The following LAP3 variants were observed in gnomAD, a reference collection of about 807,000 sequenced individuals.
LAP3 encodes the protein cytosol aminopeptidase.
A neutral mutation model predicts 58.8 loss-of-function variants in LAP3; 46 were observed. The ratio of observed to expected loss-of-function variants is 0.78; its 90% CI spans 0.62 to 1.00. The LOEUF is 1.00. Ranked by LOEUF, LAP3 falls within the 50% of genes least tolerant of loss-of-function variation. The probability of loss-of-function intolerance (pLI) is 0.00; values close to 1 mark genes in which losing one functional copy is unlikely to be tolerated. For synonymous variants in LAP3, 257 were observed against 237.7 expected (o/e 1.08, Z -0.75); for missense variants, 615 against 659.1 (o/e 0.93, Z 0.73).
At chr4:17,592,355 G>A (rs10008445) in intron 7 of LAP3, among the ~76,000 whole-genome samples, 66 of 150,272 alleles carry the variant, frequency 4.4e-4, no homozygotes, top group African/African-American at 1.6e-3. Context: ...TTCTTTCAGC[G>A]TAGTATCTGG....
Position 17,579,837 on chromosome 4 carries a change from G to T in LAP3, c.116G>T (p.Gly39Val). ...GCTTATTCCCAGGGCCTTGTTTTAG[G>T]AATCTATTCCAAAGAAAAAGAAGAT... ...TADMTKGLVL[G>V]IYSKEKEDDV... Residue 39 changes from glycine to valine, a missense_variant, in exon 2 of 13, where the codon GGA (glycine) becomes GTA (valine). Physicochemically the swap from Gly to Val is moderately radical, Grantham distance 109 (BLOSUM62 -3). Transcript: ENST00000226299. The T allele has an allele frequency of 6.2e-7, 1 of 1,604,154 alleles. No individual in the cohort carries two copies. The highest frequency in any genetic ancestry group is 8.5e-7 in the Non-Finnish European group (1 of 1,173,162).
Position 17,577,335 on chromosome 4 carries a change from T to G in LAP3, c.-131T>G. On this transcript the variant is annotated 5_prime_UTR_variant, in exon 1 of 13. Transcript: ENST00000226299. The stretch of plus-strand genomic sequence containing the variant: ...ATCCGTCCCGCCCCCTAGACGCACG[T>G]CCGCTCGCCCGGCGCCCGAGCCAGT... 2.6e-6 allele frequency: 1 copy of G among 391,048 alleles called. No homozygotes were observed. The highest frequency in any genetic ancestry group is 3.9e-6 in the Non-Finnish European group (1 of 253,914). The allele number at this position is 391,048 out of a possible 1,614,324, so 24.2% of individuals were successfully genotyped here.
At chr4:17,577,851 G>A (rs568570189) in intron 1 of LAP3, among the ~76,000 whole-genome samples, 2 of 152,332 alleles carry the variant, frequency 1.3e-5, no homozygotes, top group South Asian at 4.1e-4. Flanking sequence ...CGTCACCCGC[G>A]GTCCTGGCAG....
Position 17,580,185 on chromosome 4 carries a change from T to TATATATATGTA in LAP3, c.218+246_218+247insATATATATGTA. ...GCTTTCATATATATATATATATGTA[T>TATATATATGTA]TTTTTTTTTTTTTCAGTAGAGTTGG... On this transcript the variant is annotated intron_variant, in intron 2 of 12. Transcript: ENST00000226299. Among the ~76,000 whole-genome samples the TATATATATGTA allele has an allele frequency of 2.3e-3, 73 of 32,060 alleles. 3 individuals carry two copies. The East Asian group carries it at 0.075, about 33-fold the overall frequency. The allele number at this position is 32,060 out of a possible 152,430, so 21.0% of individuals were successfully genotyped here.
chr4:17,585,397 G>T, intron 6 of LAP3: 1 of 249,202 alleles, frequency 4.0e-6, no homozygotes, highest in South Asian at 7.0e-5. Flanking sequence ...CAATTAACAT[G>T]CCATAGAATT....
At chr4:17,601,509 G>A (rs1382449305) in intron 10 of LAP3, among the ~76,000 whole-genome samples, 1 of 151,970 alleles carries the variant, frequency 6.6e-6, no homozygotes, top group African/African-American at 2.4e-5. Flanking sequence ...ATATTTTGAG[G>A]ACAAGTGAAT....
chr4:17,599,865 A>T (rs1387735840), intron 10 of LAP3, among the ~76,000 whole-genome samples: 3 of 152,164 alleles, frequency 2.0e-5, no homozygotes, highest in Non-Finnish European at 4.4e-5. Flanking sequence ...GCCACTTACT[A>T]GTCAGTTAGC....
At chr4:17,596,158 CT>C (rs1213635550) in intron 8 of LAP3, among the ~76,000 whole-genome samples, 1 of 151,852 alleles carries the variant, frequency 6.6e-6, no homozygotes, top group Non-Finnish European at 1.5e-5. Context: ...TATCATAGTC[CT>C]TTTTTTTCCT....
At position 17,582,288 on chromosome 4, in the gene LAP3, G is replaced by A; in HGVS notation, c.274G>A (p.Asp92Asn). 3 of 1,613,224 alleles carry A rather than the reference G, an allele frequency of 1.9e-6. No homozygotes were observed. The highest frequency in any genetic ancestry group is 2.5e-6 in the Non-Finnish European group (3 of 1,179,246). Residue 92 changes from aspartate (D) to asparagine (N), a missense_variant and splice_region_variant, in exon 4 of 13, where the codon GAC becomes AAC. Physicochemically the swap from Asp to Asn is conservative, Grantham distance 23 (BLOSUM62 1). Transcript: ENST00000226299. ...KTRTFYGLHQ[D>N]FPSVVLVGLG... Reference sequence around the variant, plus strand: ...TTGATTTGGTGTATCTGTGGGACAGGACTTCCCCAGCGTGGTGCTAGTTGG... The same window carrying A: ...TTGATTTGGTGTATCTGTGGGACAGAACTTCCCCAGCGTGGTGCTAGTTGG...
intron 8 of LAP3, among the ~76,000 whole-genome samples, chr4:17,595,864 T>A (rs1040724382): frequency 6.6e-6 from 1 of 152,114 alleles, no homozygotes; most frequent in African/African-American, 2.4e-5. Flanking sequence ...TGCTGGCTCA[T>A]TGACTGATTG....
At position 17,607,512 on chromosome 4, in the gene LAP3, C is replaced by G; in HGVS notation, c.1483C>G (p.Leu495Val). 5 of 1,614,120 alleles carry G rather than the reference C, an allele frequency of 3.1e-6. No individual in the cohort carries two copies. Among genetic ancestry groups the G allele is most frequent in the Non-Finnish European group, 4.2e-6 (5 of 1,180,014 alleles). The part of the protein sequence containing the change: ...VMTNKDEVPY[L>V]RKGMTGRPTR... ...GACCAACAAAGATGAAGTTCCCTAT[C>G]TACGGAAAGGCATGACTGGGAGGCC... Residue 495 changes from leucine (L) to valine (V), a missense_variant, in exon 13 of 13, where the codon CTA becomes GTA. Leu to Val is a conservative substitution (Grantham distance 32). Coordinates refer to ENST00000226299, the MANE Select transcript of LAP3 (RefSeq NM_015907.3).
intron 11 of LAP3, among the ~76,000 whole-genome samples, 153 bp from the exon 12 acceptor site, chr4:17,606,676 T>C (rs2058336): frequency 0.59 from 89,908 of 152,126 alleles, 27,726 homozygotes; most frequent in East Asian, 0.88. Flanking sequence ...AATCTTTTAA[T>C]GAGTGGACAC....
chr4:17,595,309 A>T, intron 7 of LAP3, 101 bp from the exon 8 acceptor site: 1 of 1,376,364 alleles, frequency 7.3e-7, no homozygotes, highest in Non-Finnish European at 1.0e-6. Context: ...AAGTGCTGGG[A>T]TTACAGGCGT....
In LAP3 at chr4:17,588,886, C is replaced by T. The variant is rs1436849730; in HGVS notation, c.772C>T (p.Pro258Ser). 1.2e-6 allele frequency: 2 copies of T among 1,614,050 alleles called. No individual in the cohort carries two copies. Among genetic ancestry groups the T allele is most frequent in the African/African-American group, 1.3e-5 (1 of 75,008 alleles). Residue 258 changes from proline to serine, a missense_variant, in exon 7 of 13, where the codon CCC (proline) becomes TCC (serine). Coordinates refer to ENST00000226299, the MANE Select transcript of LAP3 (RefSeq NM_015907.3). Reference protein sequence around the residue: ...FLSVAKGSDEPPVFLEIHYKG... With the variant: ...FLSVAKGSDESPVFLEIHYKG... ...CAGTGTGGCCAAAGGATCTGACGAG[C>T]CCCCAGTCTTCTTGGAAATTCACTA...
chr4:17,577,909 G>GGGCTCCC (rs1713253726), intron 1 of LAP3, among the ~76,000 whole-genome samples: 1 of 152,204 alleles, frequency 6.6e-6, no homozygotes, highest in Non-Finnish European at 1.5e-5. Flanking sequence ...GAGCTTGGAG[G>GGGCTCCC]AAGCCCGAGT....
intron 4 of LAP3, chr4:17,582,790 T>C (rs1027746546): frequency 1.1e-5 from 2 of 174,554 alleles, no homozygotes; most frequent in Non-Finnish European, 2.5e-5. Context: ...GTGGCGTGCT[T>C]GTTTATCACT....
At chr4:17,604,915 C>T (rs549693089) in intron 11 of LAP3, among the ~76,000 whole-genome samples, 14 of 152,224 alleles carry the variant, frequency 9.2e-5, no homozygotes, top group East Asian at 1.9e-4. Context: ...AAATATCTCA[C>T]GAACACTGTG....
chr4:17,590,503 C>T (rs1443202180), intron 7 of LAP3, among the ~76,000 whole-genome samples: 1 of 152,108 alleles, frequency 6.6e-6, no homozygotes, highest in Non-Finnish European at 1.5e-5. Flanking sequence ...TGAGTGCATC[C>T]CTTTGAAAAT....
At chr4:17,586,453 T>C (rs1713517338) in intron 6 of LAP3, among the ~76,000 whole-genome samples, 1 of 152,186 alleles carries the variant, frequency 6.6e-6, no homozygotes, top group Admixed American at 6.5e-5. Flanking sequence ...ATATGTTTAA[T>C]CTATAGCAAT....
Sources: allele counts gnomAD v4.1 joint callset (sites outside exome capture counted in the v4.1 genomes callset), GRCh38; gene constraint gnomAD v4.1.1; transcripts MANE v1.5; gene names NCBI Gene and HGNC (gene_info 2026-07-23, HGNC 2026-07-21).